Variants in EYS observed in about 807,000 individuals in gnomAD.
EYS encodes protein eyes shut homolog.
Under a neutral mutation model 282.1 loss-of-function variants are expected in EYS, and 250 were observed. The observed-to-expected ratio is 0.89, with a 90% CI of 0.80 to 0.98. The LOEUF (loss-of-function observed/expected upper bound fraction) is 0.98, where lower values mean the gene tolerates loss of function less well. Ranked by LOEUF, EYS falls within the 50% of genes least tolerant of loss-of-function variation. EYS has a pLI of 0.00. For synonymous variants in EYS, 1,355 were observed against 1,282.9 expected (o/e 1.06, Z -1.20); for missense variants, 4,016 against 3,709.0 (o/e 1.08, Z -2.15).
rs773781915 is a variant in EYS at position 65,335,037 on chromosome 6, T to C, written c.1709A>G (p.Asp570Gly). The change falls in exon 11 of 43, where the codon GAT becomes GGT. Residue 570 changes from aspartate to glycine, a missense_variant. By Grantham distance (94) the Asp-to-Gly change is moderately conservative. Coordinates refer to ENST00000503581, the MANE Select transcript of EYS (RefSeq NM_001142800.2). ...GNMYLENTTD[D>G]QENECQHEAV... Reference sequence around the variant, plus strand: ...TTCATGTTGACACTCATTTTCTTGATCATCAGTTGTATTTTCCAGATACAT... The same window carrying C: ...TTCATGTTGACACTCATTTTCTTGACCATCAGTTGTATTTTCCAGATACAT... 4 of 1,611,584 alleles carry C rather than the reference T, an allele frequency of 2.5e-6. No individual in the cohort carries two copies. The South Asian group carries it at 4.4e-5, about 18-fold the overall frequency.
chr6:65,163,170 T>A (rs933591783), intron 12 of EYS, among the ~76,000 whole-genome samples: 1 of 151,270 alleles, frequency 6.6e-6, no homozygotes, highest in African/African-American at 2.4e-5. Flanking sequence ...TAGAGCTTTT[T>A]CAAATGTTTA....
chr6:65,002,464 T>A lies in EYS; in HGVS notation c.2138-4761A>T, dbSNP rs1771496607. On this transcript the variant is annotated intron_variant, in intron 13 of 42. Coordinates refer to ENST00000503581, the MANE Select transcript of EYS (RefSeq NM_001142800.2). Reference sequence around the variant, plus strand: ...ATTAGTATCTATACAGATATTTCAGTTTGCTAGGGCCCCACCACTACCTTT... The same window carrying A: ...ATTAGTATCTATACAGATATTTCAGATTGCTAGGGCCCCACCACTACCTTT... 2.0e-5 allele frequency among the ~76,000 whole-genome samples: 3 copies of A among 147,686 alleles called. 1 individual carries two copies. The South Asian group carries it at 6.6e-4, about 32-fold the overall frequency.
chr6:64,666,952 C>T (rs565527071), intron 22 of EYS, among the ~76,000 whole-genome samples: 202 of 151,736 alleles, frequency 1.3e-3, no homozygotes, highest in African/African-American at 4.5e-3. Context: ...TATTTTCTCC[C>T]CTGGAGATCA....
intron 19 of EYS, among the ~76,000 whole-genome samples, chr6:64,871,418 G>A (rs1458773007): frequency 1.3e-5 from 2 of 151,782 alleles, no homozygotes; most frequent in East Asian, 1.9e-4. Context: ...GGGCATTGTG[G>A]TATTGGAGTT....
Position 64,591,315 on chromosome 6 carries a change from T to TA in EYS, c.4551dup (p.Thr1518TyrfsTer8). On this transcript the variant is annotated frameshift_variant, in exon 26 of 43. Coordinates refer to ENST00000503581, the MANE Select transcript of EYS (RefSeq NM_001142800.2). LOFTEE classifies it high-confidence loss of function. ...TATTCACTGGGATTGAAGGCTTTTG[T>TA]ACTGAACCGGTGCAGAGCTGATGAG... 1 of 1,551,410 alleles carries TA rather than the reference T, an allele frequency of 6.4e-7. No homozygotes were observed. Among genetic ancestry groups the TA allele is most frequent in the Non-Finnish European group, 8.7e-7 (1 of 1,146,798 alleles).
chr6:64,215,264 G>A (rs1765895242), intron 31 of EYS, among the ~76,000 whole-genome samples: 1 of 151,758 alleles, frequency 6.6e-6, no homozygotes, highest in African/African-American at 2.4e-5. Context: ...GAGTTGTCAT[G>A]TTTTAAATGC....
chr6:64,650,364 G>T (rs1768514672), intron 22 of EYS, among the ~76,000 whole-genome samples: 1 of 151,886 alleles, frequency 6.6e-6, no homozygotes, highest in Admixed American at 6.6e-5. Context: ...ACAAAACCTA[G>T]ATTTTTAGTT....
intron 15 of EYS, among the ~76,000 whole-genome samples, chr6:64,927,693 C>T (rs75056319): frequency 0.015 from 2,260 of 152,104 alleles, 59 homozygotes; most frequent in African/African-American, 0.052. Context: ...GAAAAGCCAA[C>T]TGATCTATAT....
intron 40 of EYS, among the ~76,000 whole-genome samples, chr6:63,776,358 C>T (rs957501676): frequency 1.3e-5 from 2 of 152,050 alleles, no homozygotes; most frequent in African/African-American, 4.8e-5. Context: ...TATTTAGATT[C>T]TGGAGAGAAT....
At chr6:64,480,521 T>G (rs1434229392) in intron 26 of EYS, among the ~76,000 whole-genome samples, 1 of 151,966 alleles carries the variant, frequency 6.6e-6, no homozygotes, top group South Asian at 2.1e-4. Context: ...TCAGCTAACG[T>G]TGATAAGACT....
intron 35 of EYS, among the ~76,000 whole-genome samples, chr6:63,914,311 AG>A (rs1249745444): frequency 1.3e-5 from 2 of 152,222 alleles, no homozygotes; most frequent in East Asian, 3.8e-4. Context: ...TAGAAAGCTA[AG>A]ATAGGTAGAA....
At chr6:64,574,572 C>T (rs554457766) in intron 26 of EYS, among the ~76,000 whole-genome samples, 51 of 152,176 alleles carry the variant, frequency 3.4e-4, no homozygotes, top group Non-Finnish European at 5.9e-4. Flanking sequence ...TACCTTGAGT[C>T]AATTAATGGG....
intron 26 of EYS, among the ~76,000 whole-genome samples, chr6:64,579,736 C>T (rs1766000280): frequency 6.6e-6 from 1 of 152,018 alleles, no homozygotes; most frequent in African/African-American, 2.4e-5. Context: ...ATATTAAGTC[C>T]TGAAATTCTG....
At chr6:65,427,918 AT>A (rs1392417912) in intron 5 of EYS, among the ~76,000 whole-genome samples, 3 of 152,106 alleles carry the variant, frequency 2.0e-5, no homozygotes, top group African/African-American at 7.2e-5. Flanking sequence ...ATGATATATA[AT>A]TACAAAAGTA....
intron 22 of EYS, among the ~76,000 whole-genome samples, chr6:64,770,176 T>C: frequency 6.6e-6 from 1 of 151,888 alleles, no homozygotes; most frequent in East Asian, 1.9e-4. Context: ...GAGAGATTGT[T>C]TTGAGACCAG....
chr6:64,980,849 A>C (rs2150116444), intron 14 of EYS, among the ~76,000 whole-genome samples: 1 of 151,438 alleles, frequency 6.6e-6, no homozygotes. Flanking sequence ...GAAATTGTCC[A>C]TTTGAGTGAG....
chr6:63,930,107 A>T (rs1224975108), intron 35 of EYS, among the ~76,000 whole-genome samples: 2 of 152,158 alleles, frequency 1.3e-5, no homozygotes, highest in Non-Finnish European at 2.9e-5. Context: ...CCTTTACTTC[A>T]AAAGAGTGGC....
chr6:65,439,756 G>A (rs1292156089), intron 5 of EYS, among the ~76,000 whole-genome samples: 2 of 151,846 alleles, frequency 1.3e-5, no homozygotes, highest in African/African-American at 4.8e-5. Context: ...GCTCTTATGT[G>A]TGTCCTCACA....
chr6:64,446,452 C>T (rs1222766087), intron 26 of EYS, among the ~76,000 whole-genome samples: 1 of 151,972 alleles, frequency 6.6e-6, no homozygotes, highest in African/African-American at 2.4e-5. Flanking sequence ...TATAATATTT[C>T]TCTCAGATTA....
Sources: gnomAD v4.1 joint callset for allele counts (sites outside exome capture counted in the v4.1 genomes callset) on GRCh38, gnomAD v4.1.1 for gene constraint, MANE v1.5 for transcripts, NCBI Gene and HGNC (gene_info 2026-07-23, HGNC 2026-07-21) for gene names.